The following ATP6V0C variants were observed in gnomAD, a reference collection of about 807,000 sequenced individuals.
ATP6V0C encodes ATPase H+ transporting V0 subunit c.
A neutral mutation model predicts 10.6 loss-of-function variants in ATP6V0C; 2 were observed. That is an observed-to-expected ratio of 0.19 (90% CI 0.08 to 0.59). ATP6V0C has a LOEUF of 0.59. Ranked by LOEUF, ATP6V0C falls within the 20% of genes least tolerant of loss-of-function variation. The pLI is 0.90. For synonymous variants in ATP6V0C, 128 were observed against 101.3 expected, an observed-to-expected ratio of 1.26 and a Z score of -1.59; for missense variants, 89 against 225.9, an observed-to-expected ratio of 0.39 and a Z score of 3.88.
Position 2,513,992 on chromosome 16 carries a change from C to CCGGAT in ATP6V0C, c.-109_-105dup, listed in dbSNP as rs2065863292. ...TATTTAGAGCGCAGCGGCTGACGGGCCGGATCGCCTTCGCCGCCGCCCGCC... is the reference window on the plus strand; with the variant it reads ...TATTTAGAGCGCAGCGGCTGACGGGCCGGATCGGATCGCCTTCGCCGCCGCCCGCC... On this transcript the variant is annotated 5_prime_UTR_variant, in exon 1 of 3. Transcript: ENST00000330398. 3.2e-6 allele frequency: 3 copies of CCGGAT among 947,716 alleles called. No homozygotes were observed. Among genetic ancestry groups the CCGGAT allele is most frequent in the Non-Finnish European group, 4.7e-6 (3 of 644,132 alleles). 58.7% of individuals were successfully genotyped at this position (947,716 alleles called of 1,614,324 possible). A position where few individuals can be genotyped will look rare whatever the true frequency, so the allele number is the denominator to read the frequency against.
chr16:2,517,713 T>TTGTG (rs142726423), intron 1 of ATP6V0C: 8,467 of 141,522 alleles, frequency 0.06, 310 homozygotes, highest in East Asian at 0.14. Context: ...GTCAGGCTGT[T>TTGTG]TGTGTGTGTG....
rs2065900138 is a variant in ATP6V0C at position 2,519,824 on chromosome 16, T to TA, written c.*80dup. The TA allele has an allele frequency of 1.3e-6, 2 of 1,550,880 alleles. No individual in the cohort carries two copies. Among genetic ancestry groups the TA allele is most frequent in the South Asian group, 1.1e-5 (1 of 89,352 alleles). ...ATTCCAGAACGAACAGCCTGACACATACGCACGGGGCCGCCGCCCCCAGTA... is the reference window on the plus strand; with the variant it reads ...ATTCCAGAACGAACAGCCTGACACATAACGCACGGGGCCGCCGCCCCCAGTA... On this transcript the variant is annotated 3_prime_UTR_variant, in exon 3 of 3. Transcript: ENST00000330398.
rs1160959332 is a variant in ATP6V0C at position 2,519,357 on chromosome 16, A to G, written c.219A>G (p.Ala73=). The change falls in exon 2 of 3, where the codon GCA becomes GCG. Residue 73 remains alanine, a synonymous_variant. Coordinates refer to ENST00000330398, the MANE Select transcript of ATP6V0C (RefSeq NM_001694.4). ...TCGCCATCTACGGCCTGGTGGTGGC[A>G]GTCCTCATCGCCAACTCCCTGAATG... ...GIIAIYGLVV[A]VLIANSLNDD... 4 of 1,613,992 alleles carry G rather than the reference A, an allele frequency of 2.5e-6. No homozygotes were observed. Among genetic ancestry groups the G allele is most frequent in the Non-Finnish European group, 3.4e-6 (4 of 1,179,968 alleles).
intron 2 of ATP6V0C, 22 bp from the exon 3 acceptor site, chr16:2,519,519 A>G (rs780055661): frequency 1.3e-6 from 2 of 1,543,364 alleles, no homozygotes; most frequent in African/African-American, 1.4e-5. Flanking sequence ...TGCTGATGTC[A>G]GTCCTCTCTT....
At chr16:2,514,834 C>G (rs893962625) in intron 1 of ATP6V0C, among the ~76,000 whole-genome samples, 1 of 152,096 alleles carries the variant, frequency 6.6e-6, no homozygotes, top group African/African-American at 2.4e-5. Context: ...GTTCGGAGAG[C>G]CCGCGGAGAC....
At chr16:2,519,126 G>C in intron 1 of ATP6V0C, 92 bp from the exon 2 acceptor site, 1 of 1,359,212 alleles carries the variant, frequency 7.4e-7, no homozygotes, top group East Asian at 2.6e-5. Context: ...AACTTGGGGT[G>C]GCCCTTGGAG....
At chr16:2,515,380 G>C (rs1409856446) in intron 1 of ATP6V0C, among the ~76,000 whole-genome samples, 1 of 152,212 alleles carries the variant, frequency 6.6e-6, no homozygotes, top group Non-Finnish European at 1.5e-5. Flanking sequence ...GAGGCTCCTA[G>C]TGCAGATATG....
intron 1 of ATP6V0C, chr16:2,518,884 C>T (rs1326002551): frequency 9.8e-6 from 3 of 305,252 alleles, no homozygotes; most frequent in Non-Finnish European, 6.2e-6. Context: ...TGAGGCTGCA[C>T]TGAGGCTCCC....
intron 1 of ATP6V0C, among the ~76,000 whole-genome samples, chr16:2,518,574 G>A (rs777717772): frequency 1.3e-5 from 2 of 152,248 alleles, no homozygotes; most frequent in Non-Finnish European, 2.9e-5. Context: ...TCTCCAATCT[G>A]TCAAGGGTTC....
intron 1 of ATP6V0C, chr16:2,516,535 C>G (rs528519378): frequency 1.3e-5 from 2 of 152,644 alleles, no homozygotes. Context: ...CAACGCCAAC[C>G]TCCAGCTGTG....
rs919386222 is a variant in ATP6V0C at position 2,514,025 on chromosome 16, C to G, written c.-79C>G. 3.0e-5 allele frequency: 41 copies of G among 1,375,898 alleles called. No homozygotes were observed. The South Asian group carries it at 4.5e-4, about 15-fold the overall frequency. The allele number at this position is 1,375,898 out of a possible 1,614,324, so 85.2% of individuals were successfully genotyped here. A position where few individuals can be genotyped will look rare whatever the true frequency, so the allele number is the denominator to read the frequency against. On this transcript the variant is annotated 5_prime_UTR_variant, in exon 1 of 3. Transcript: ENST00000330398. Reference sequence around the variant, plus strand: ...CCTTCGCCGCCGCCCGCCCGCAAACCTTCGTGCCCGGCCCGTCCTCGCCCC... The same window carrying G: ...CCTTCGCCGCCGCCCGCCCGCAAACGTTCGTGCCCGGCCCGTCCTCGCCCC...
intron 1 of ATP6V0C, 115 bp downstream of exon 1, chr16:2,514,297 G>A (rs2065865767): frequency 2.1e-5 from 25 of 1,186,658 alleles, no homozygotes; most frequent in Non-Finnish European, 2.7e-5. Flanking sequence ...GCTGTCGGGG[G>A]CGCCCGGGCC....
Position 2,519,825 on chromosome 16 carries a change from ACGCACGGG to A in ATP6V0C, c.*81_*88del. On this transcript the variant is annotated 3_prime_UTR_variant, in exon 3 of 3. Coordinates refer to ENST00000330398, the MANE Select transcript of ATP6V0C (RefSeq NM_001694.4). ...TTCCAGAACGAACAGCCTGACACATACGCACGGGGCCGCCGCCCCCAGTAGTTGGTCTT... is the reference window on the plus strand; with the variant it reads ...TTCCAGAACGAACAGCCTGACACATAGCCGCCGCCCCCAGTAGTTGGTCTT... The A allele has an allele frequency of 6.5e-7, 1 of 1,546,384 alleles. No homozygotes were observed. Among genetic ancestry groups the A allele is most frequent in the Non-Finnish European group, 8.9e-7 (1 of 1,125,142 alleles).
At chr16:2,516,097 CTTTT>C (rs11367350) in intron 1 of ATP6V0C, among the ~76,000 whole-genome samples, 1 of 125,030 alleles carries the variant, frequency 8.0e-6, no homozygotes, top group Admixed American at 8.1e-5. Context: ...CAGACAACTG[CTTTT>C]TTTTTTTTTT....
Position 2,519,843 on chromosome 16 carries a change from C to T in ATP6V0C, c.*98C>T. On this transcript the variant is annotated 3_prime_UTR_variant, in exon 3 of 3. Transcript: ENST00000330398. Reference sequence around the variant, plus strand: ...GACACATACGCACGGGGCCGCCGCCCCCAGTAGTTGGTCTTGTACATGCGC... The same window carrying T: ...GACACATACGCACGGGGCCGCCGCCTCCAGTAGTTGGTCTTGTACATGCGC... 1 of 1,479,950 alleles carries T rather than the reference C, an allele frequency of 6.8e-7. No homozygotes were observed. The highest frequency in any genetic ancestry group is 9.3e-7 in the Non-Finnish European group (1 of 1,069,580). 91.7% of individuals were successfully genotyped at this position (1,479,950 alleles called of 1,614,324 possible).
At chr16:2,516,375 G>A (rs891750963) in intron 1 of ATP6V0C, among the ~76,000 whole-genome samples, 2 of 152,150 alleles carry the variant, frequency 1.3e-5, no homozygotes, top group South Asian at 4.1e-4. Context: ...GCCTCGTAAA[G>A]GGCTGGGATT....
chr16:2,518,903 C>T (rs1340871767), intron 1 of ATP6V0C: 5 of 344,164 alleles, frequency 1.5e-5, no homozygotes, highest in African/African-American at 6.4e-5. Flanking sequence ...CCTGGGGTGA[C>T]AGGTGGGTTC....
intron 1 of ATP6V0C, among the ~76,000 whole-genome samples, chr16:2,518,723 C>T (rs1176527021): frequency 6.6e-6 from 1 of 152,172 alleles, no homozygotes; most frequent in African/African-American, 2.4e-5. Flanking sequence ...GCCTGGGTGA[C>T]AAGAGTGGCC....
In ATP6V0C at chr16:2,520,159, C is replaced by G; in HGVS notation, c.*414C>G. On this transcript the variant is annotated 3_prime_UTR_variant, in exon 3 of 3. Transcript: ENST00000330398. ...GCTGAGACTTCCTGGATGGAGCCGC[C>G]CTCACCGCCGGGCCCGTGGCCCTGC... 1 of 532,284 alleles carries G rather than the reference C, an allele frequency of 1.9e-6. No individual in the cohort carries two copies. The highest frequency in any genetic ancestry group is 3.5e-6 in the Non-Finnish European group (1 of 286,428). The allele number at this position is 532,284 out of a possible 1,614,324, so 33.0% of individuals were successfully genotyped here.
Sources: allele counts gnomAD v4.1 joint callset (sites outside exome capture counted in the v4.1 genomes callset), GRCh38; gene constraint gnomAD v4.1.1; transcripts MANE v1.5; gene names NCBI Gene and HGNC (gene_info 2026-07-23, HGNC 2026-07-21).